GALNTL6: variants seen among roughly 807,000 people sequenced by gnomAD.
GALNTL6 encodes polypeptide N-acetylgalactosaminyltransferase like 6.
GALNTL6 carries 46 observed loss-of-function variants against 73.7 expected under a neutral mutation model. The ratio of observed to expected loss-of-function variants is 0.62; its 90% CI spans 0.49 to 0.80. The LOEUF (loss-of-function observed/expected upper bound fraction) is 0.80. Among genes scored for constraint, GALNTL6 ranks in the 30% least tolerant of loss-of-function variants. The pLI is 0.00. For missense variants in GALNTL6, 604 were observed against 755.0 expected (o/e 0.80, Z 2.34); for synonymous variants, 259 against 263.7 (o/e 0.98, Z 0.17).
chr4:171,959,060 C>A (rs899373243), intron 2 of GALNTL6, among the ~76,000 whole-genome samples: 8 of 152,072 alleles, frequency 5.3e-5, no homozygotes, highest in African/African-American at 1.9e-4. Context: ...TTAGGCTGAA[C>A]CTAGAATTCT....
At chr4:172,128,275 A>G (rs991853146) in intron 2 of GALNTL6, among the ~76,000 whole-genome samples, 1 of 152,170 alleles carries the variant, frequency 6.6e-6, no homozygotes, top group African/African-American at 2.4e-5. Flanking sequence ...ATTTTTTAAT[A>G]TGAGCACTCA....
chr4:172,854,654 A>T (rs1744030710), intron 7 of GALNTL6, among the ~76,000 whole-genome samples: 1 of 152,164 alleles, frequency 6.6e-6, no homozygotes, highest in Non-Finnish European at 1.5e-5. Context: ...CAATTGTAAA[A>T]AAAACCCTCT....
intron 3 of GALNTL6, among the ~76,000 whole-genome samples, chr4:172,296,686 A>G (rs991747563): frequency 1.3e-5 from 2 of 152,232 alleles, no homozygotes; most frequent in Non-Finnish European, 2.9e-5. Context: ...TACAAAGGAC[A>G]TGAACTCATC....
chr4:172,913,706 G>A (rs1193601510), intron 8 of GALNTL6, among the ~76,000 whole-genome samples: 1 of 152,132 alleles, frequency 6.6e-6, no homozygotes, highest in Non-Finnish European at 1.5e-5. Flanking sequence ...AGAGTGAAAA[G>A]AAATGAACAA....
At chr4:172,908,837 G>C (rs546442201) in intron 8 of GALNTL6, among the ~76,000 whole-genome samples, 4 of 151,442 alleles carry the variant, frequency 2.6e-5, no homozygotes, top group Non-Finnish European at 5.9e-5. Flanking sequence ...AATTTATAAA[G>C]AAGATTCTCC....
At chr4:172,244,296 G>A (rs1342744867) in intron 3 of GALNTL6, among the ~76,000 whole-genome samples, 1 of 152,092 alleles carries the variant, frequency 6.6e-6, no homozygotes, top group African/African-American at 2.4e-5. Context: ...AACTTAGGCT[G>A]AGACTAAATT....
intron 10 of GALNTL6, among the ~76,000 whole-genome samples, chr4:173,001,868 G>T (rs535037975): frequency 6.6e-6 from 1 of 152,170 alleles, no homozygotes; most frequent in Non-Finnish European, 1.5e-5. Context: ...AAAACTACAA[G>T]TGTTGGCAAA....
intron 3 of GALNTL6, among the ~76,000 whole-genome samples, chr4:172,301,125 C>T (rs1317301982): frequency 6.6e-6 from 1 of 152,048 alleles, no homozygotes; most frequent in East Asian, 1.9e-4. Flanking sequence ...TTTGATCTTC[C>T]ATCACTGATA....
At chr4:172,687,042 G>A (rs1732957881) in intron 5 of GALNTL6, among the ~76,000 whole-genome samples, 1 of 152,100 alleles carries the variant, frequency 6.6e-6, no homozygotes, top group African/African-American at 2.4e-5. Flanking sequence ...ACCAAACCAA[G>A]GTCACGAAGC....
At chr4:172,993,793 A>G (rs1202085341) in intron 10 of GALNTL6, among the ~76,000 whole-genome samples, 1 of 152,166 alleles carries the variant, frequency 6.6e-6, no homozygotes, top group Non-Finnish European at 1.5e-5. Flanking sequence ...ATGGTGGCAC[A>G]TGCATGTACT....
chr4:171,814,864 G>T, intron 2 of GALNTL6, 146 bp downstream of exon 2: 1 of 727,366 alleles, frequency 1.4e-6, no homozygotes, highest in Non-Finnish European at 2.2e-6. Context: ...AGAGACTTTG[G>T]GGTTTAAGCA....
At chr4:172,303,508 T>C (rs1274454278) in intron 3 of GALNTL6, among the ~76,000 whole-genome samples, 1 of 152,216 alleles carries the variant, frequency 6.6e-6, no homozygotes, top group Non-Finnish European at 1.5e-5. Flanking sequence ...CAGTATCATG[T>C]CTGTGACACT....
intron 8 of GALNTL6, among the ~76,000 whole-genome samples, chr4:172,921,368 T>C (rs925674617): frequency 6.6e-6 from 1 of 152,220 alleles, no homozygotes; most frequent in African/African-American, 2.4e-5. Flanking sequence ...ATGTGACCAG[T>C]GTAACTGTAT....
chr4:172,678,936 A>T (rs974764705), intron 5 of GALNTL6, among the ~76,000 whole-genome samples: 4 of 152,204 alleles, frequency 2.6e-5, no homozygotes, highest in East Asian at 3.9e-4. Context: ...TTTTGGAGAA[A>T]ACATACTCTG....
intron 10 of GALNTL6, among the ~76,000 whole-genome samples, chr4:172,973,292 G>A (rs543630760): frequency 6.6e-6 from 1 of 152,172 alleles, no homozygotes; most frequent in Non-Finnish European, 1.5e-5. Context: ...CAACGTGAAA[G>A]CATTTTAGAC....
chr4:172,933,373 AT>A (rs926716874), intron 9 of GALNTL6, among the ~76,000 whole-genome samples: 17 of 152,298 alleles, frequency 1.1e-4, no homozygotes, highest in African/African-American at 4.1e-4. Flanking sequence ...TTTCAAAAAA[AT>A]AAAACTGTTC....
intron 9 of GALNTL6, among the ~76,000 whole-genome samples, chr4:172,950,539 G>A (rs947024470): frequency 7.2e-5 from 11 of 152,168 alleles, no homozygotes; most frequent in Admixed American, 3.9e-4. Context: ...CAGGGACAAG[G>A]TCAGACAGGA....
chr4:172,844,944 G>A (rs761009563), intron 7 of GALNTL6, among the ~76,000 whole-genome samples: 19 of 152,062 alleles, frequency 1.2e-4, no homozygotes, highest in South Asian at 2.1e-4. Flanking sequence ...GGCTGGGCGC[G>A]GTGGCTCACA....
chr4:173,002,673 T>C (rs192122179), intron 10 of GALNTL6, among the ~76,000 whole-genome samples: 2,365 of 150,912 alleles, frequency 0.016, 25 homozygotes, highest in Admixed American at 0.026. Flanking sequence ...TGCACACCTG[T>C]GGTCCCAGCT....
Sources: allele counts gnomAD v4.1 joint callset (sites outside exome capture counted in the v4.1 genomes callset), GRCh38; gene constraint gnomAD v4.1.1; transcripts MANE v1.5; gene names NCBI Gene and HGNC (gene_info 2026-07-23, HGNC 2026-07-21).